Variants in EZH2 observed in about 807,000 individuals in gnomAD.
The protein encoded by EZH2 is enhancer of zeste 2 polycomb repressive complex 2 subunit.
Under a neutral mutation model 98.4 loss-of-function variants are expected in EZH2, and 18 were observed. That is an observed-to-expected ratio of 0.18 (90% CI 0.13 to 0.27). EZH2 has a LOEUF of 0.27. Ranked by LOEUF, EZH2 falls within the 10% of genes least tolerant of loss-of-function variation. EZH2 has a pLI of 1.00. For synonymous variants in EZH2, 338 were observed against 312.3 expected (o/e 1.08, Z -0.87); for missense variants, 470 against 935.1 (o/e 0.50, Z 6.49).
At chr7:148,850,563 A>G (rs943208673) in intron 1 of EZH2, 1 of 374,574 alleles carries the variant, frequency 2.7e-6, no homozygotes, top group Non-Finnish European at 3.7e-6. Flanking sequence ...ACCAATTAAA[A>G]GGATGTTTTA....
At chr7:148,833,451 C>T (rs1288696724) in intron 3 of EZH2, among the ~76,000 whole-genome samples, 1 of 126,606 alleles carries the variant, frequency 7.9e-6, no homozygotes, top group Non-Finnish European at 1.7e-5. Context: ...AGCGAAACTC[C>T]GTCTCAAAAA....
At chr7:148,813,501 A>C (rs1180326083) in intron 15 of EZH2, among the ~76,000 whole-genome samples, 1 of 152,014 alleles carries the variant, frequency 6.6e-6, no homozygotes, top group Non-Finnish European at 1.5e-5. Context: ...AACAGGAAGT[A>C]AGTCTATAAA....
chr7:148,877,793 T>A (rs190637154), intron 1 of EZH2, among the ~76,000 whole-genome samples: 1 of 152,326 alleles, frequency 6.6e-6, no homozygotes, highest in Non-Finnish European at 1.5e-5. Context: ...AAACTACAAT[T>A]ACCTACTTTT....
rs189053931 is a variant in EZH2, at chr7:148,861,999, T to C, written c.-7-14694A>G. On this transcript the variant is annotated intron_variant, in intron 1 of 19. Coordinates refer to ENST00000320356, the MANE Select transcript of EZH2 (RefSeq NM_004456.5). Reference sequence around the variant, plus strand: ...GCTTAGAAAAGGGAGAGTGTTTGAATAGCCTTCTGAGGTCATTGTGGATCT... The same window carrying C: ...GCTTAGAAAAGGGAGAGTGTTTGAACAGCCTTCTGAGGTCATTGTGGATCT... Among the ~76,000 whole-genome samples, 70 of 152,316 alleles carry C rather than the reference T, an allele frequency of 4.6e-4. No individual in the cohort carries two copies. The East Asian group carries it at 8.1e-3, about 18-fold the overall frequency.
chr7:148,837,707 A>C (rs978920307), intron 3 of EZH2, among the ~76,000 whole-genome samples: 1 of 152,232 alleles, frequency 6.6e-6, no homozygotes, highest in South Asian at 2.1e-4. Flanking sequence ...ACGACACTTG[A>C]AAAGAAATGA....
intron 3 of EZH2, among the ~76,000 whole-genome samples, chr7:148,845,028 A>G (rs1813629067): frequency 6.6e-6 from 1 of 152,174 alleles, no homozygotes; most frequent in Non-Finnish European, 1.5e-5. Flanking sequence ...CAAAGTACCT[A>G]GCACAGTGAC....
chr7:148,871,013 T>C (rs767821604), intron 1 of EZH2, among the ~76,000 whole-genome samples: 5 of 152,194 alleles, frequency 3.3e-5, no homozygotes, highest in Admixed American at 6.5e-5. Flanking sequence ...ATTTAACAAA[T>C]GATGCATGGT....
intron 1 of EZH2, among the ~76,000 whole-genome samples, chr7:148,882,407 A>C (rs73471873): frequency 0.022 from 3,372 of 152,292 alleles, 111 homozygotes; most frequent in African/African-American, 0.077. Flanking sequence ...CTTAAATATT[A>C]CATCACCCAA....
intron 1 of EZH2, among the ~76,000 whole-genome samples, chr7:148,855,015 C>G (rs1816580078): frequency 6.6e-6 from 1 of 152,212 alleles, no homozygotes; most frequent in African/African-American, 2.4e-5. Flanking sequence ...TATAGAAAAC[C>G]TGTCCCTGTA....
rs1328580760 is a variant in EZH2 at position 148,811,935 on chromosome 7, T to C, written c.1852-215A>G. On this transcript the variant is annotated intron_variant, in intron 15 of 19. Transcript: ENST00000320356. ...TCCTTATACAGCAGATAAGAATCTC[T>C]GTCTTACAGAAAACCTTTTGGTGGT... 25 of 499,188 alleles carry C rather than the reference T, an allele frequency of 5.0e-5. No homozygotes were observed. The South Asian group carries it at 5.3e-4, about 11-fold the overall frequency. 30.9% of individuals were successfully genotyped at this position (499,188 alleles called of 1,614,324 possible). A position where few individuals can be genotyped will look rare whatever the true frequency, so the allele number is the denominator to read the frequency against.
intron 1 of EZH2, among the ~76,000 whole-genome samples, chr7:148,879,271 C>T (rs148520605): frequency 1.3e-5 from 2 of 151,446 alleles, no homozygotes; most frequent in East Asian, 2.0e-4. Flanking sequence ...AACAACACAG[C>T]AGGGTGTGGT....
chr7:148,856,841 G>A (rs1816903809), intron 1 of EZH2, among the ~76,000 whole-genome samples: 1 of 152,162 alleles, frequency 6.6e-6, no homozygotes, highest in African/African-American at 2.4e-5. Flanking sequence ...GGAGGAGAAG[G>A]AACAACTCTC....
At chr7:148,821,094 A>G (rs1462701810) in intron 8 of EZH2, 2 of 151,524 alleles carry the variant, frequency 1.3e-5, no homozygotes, top group African/African-American at 4.8e-5. Flanking sequence ...CCCCCGCCCA[A>G]CCAAAAAATA....
At chr7:148,810,759 G>A (rs924558125) in intron 16 of EZH2, among the ~76,000 whole-genome samples, 3 of 152,110 alleles carry the variant, frequency 2.0e-5, no homozygotes, top group East Asian at 1.9e-4. Flanking sequence ...ACCTGGGCGC[G>A]GTGGCGCATG....
At chr7:148,851,286 C>G (rs1259069883) in intron 1 of EZH2, among the ~76,000 whole-genome samples, 1 of 152,080 alleles carries the variant, frequency 6.6e-6, no homozygotes, top group African/African-American at 2.4e-5. Context: ...GTCCCTACTA[C>G]CAGTTAGAGA....
chr7:148,854,025 G>T (rs563215243), intron 1 of EZH2, among the ~76,000 whole-genome samples: 1 of 152,164 alleles, frequency 6.6e-6, no homozygotes, highest in African/African-American at 2.4e-5. Context: ...TACCAGATAC[G>T]CCCCTACTCC....
intron 15 of EZH2, 152 bp from the exon 16 acceptor site, chr7:148,811,872 C>T (rs1167770163): frequency 8.1e-6 from 5 of 616,470 alleles, no homozygotes; most frequent in East Asian, 2.8e-5. Flanking sequence ...CTTCAGTCAA[C>T]GTGAAAGCTG....
chr7:148,837,496 C>G (rs768933048), intron 3 of EZH2, among the ~76,000 whole-genome samples: 5 of 152,242 alleles, frequency 3.3e-5, no homozygotes, highest in Middle Eastern at 3.4e-3. Flanking sequence ...ATAACACGCC[C>G]AAGTTTTAAA....
chr7:148,811,563 T>G (rs192331938), intron 16 of EZH2, 62 bp downstream of exon 16: 1 of 1,326,172 alleles, frequency 7.5e-7, no homozygotes, highest in Non-Finnish European at 1.1e-6. Flanking sequence ...ATAAAATCAA[T>G]CTAAAATAAA....
Sources: allele counts gnomAD v4.1 joint callset (sites outside exome capture counted in the v4.1 genomes callset), GRCh38; gene constraint gnomAD v4.1.1; transcripts MANE v1.5; gene names NCBI Gene and HGNC (gene_info 2026-07-23, HGNC 2026-07-21).